The following DOP1A variants were observed in gnomAD, a reference collection of about 807,000 sequenced individuals.
DOP1A encodes the protein DOP1 leucine zipper like protein A.
DOP1A carries 90 observed loss-of-function variants against 267.6 expected under a neutral mutation model. That is an observed-to-expected ratio of 0.34 (90% confidence interval 0.28 to 0.40). The LOEUF is 0.40. Ranked by LOEUF, DOP1A falls within the 10% of genes least tolerant of loss-of-function variation. The probability of loss-of-function intolerance (pLI) is 1.00; values close to 1 mark genes in which losing one functional copy is unlikely to be tolerated. For missense variants in DOP1A, 2,437 were observed against 2,900.4 expected (o/e 0.84, Z 3.67); for synonymous variants, 932 against 999.1 (o/e 0.93, Z 1.27).
chr6:83,132,318 A>G lies in DOP1A; in HGVS notation c.2759A>G (p.His920Arg). 6.2e-7 allele frequency: 1 copy of G among 1,603,060 alleles called. No individual in the cohort carries two copies. The highest frequency in any genetic ancestry group is 8.5e-7 in the Non-Finnish European group (1 of 1,177,092). Residue 920 changes from histidine to arginine, a missense_variant, in exon 18 of 39, where the codon CAT (histidine) becomes CGT (arginine). His to Arg is a conservative substitution (Grantham distance 29). Around this residue, in one of 9 missense-constraint regions of DOP1A, gnomAD observed 878 missense variants for 992.9 expected, o/e 0.88. Transcript: ENST00000349129. ...GATGTTATAAGTCAGCAGTTAACCCATAAAGATAAGGTAAATCCTCTTATC... is the reference window on the plus strand; with the variant it reads ...GATGTTATAAGTCAGCAGTTAACCCGTAAAGATAAGGTAAATCCTCTTATC... ...CEDVISQQLT[H>R]KDKKIRMEAH...
chr6:83,094,276 A>C lies in DOP1A; in HGVS notation c.-146-2455A>C, dbSNP rs544214030. 6.6e-5 allele frequency among the ~76,000 whole-genome samples: 10 copies of C among 152,220 alleles called. No individual in the cohort carries two copies. The South Asian group carries it at 2.1e-3, about 32-fold the overall frequency. On this transcript the variant is annotated intron_variant, in intron 1 of 38. Coordinates refer to ENST00000349129, the MANE Select transcript of DOP1A (RefSeq NM_015018.4). ...CTTTTTTATGACCAAATAATATTCC[A>C]TGGTATTTTAGTTATTTGTGTGTCA...
At chr6:83,149,401 T>A (rs1193740092) in intron 27 of DOP1A, among the ~76,000 whole-genome samples, 1 of 152,194 alleles carries the variant, frequency 6.6e-6, no homozygotes, top group Non-Finnish European at 1.5e-5. Context: ...CCCCAGTAAA[T>A]ACTTGGTAAG....
At position 83,125,387 on chromosome 6, in the gene DOP1A, T is replaced by G. The variant is rs556681941; in HGVS notation, c.1486-113T>G. ...TATACAGTGTTAATTAAGAGCATGA[T>G]GCATATAAAACATTATGGATGAGTA... On this transcript the variant is annotated intron_variant, in intron 14 of 38. Transcript: ENST00000349129. 31 of 1,050,732 alleles carry G rather than the reference T, an allele frequency of 3.0e-5. No individual in the cohort carries two copies. In the South Asian group the frequency reaches 4.7e-4, roughly 16 times the overall value. 65.1% of individuals were successfully genotyped at this position (1,050,732 alleles called of 1,614,324 possible).
chr6:83,148,596 T>C (rs1466269680), intron 26 of DOP1A, among the ~76,000 whole-genome samples, 163 bp from the exon 27 acceptor site: 3 of 152,118 alleles, frequency 2.0e-5, no homozygotes, highest in African/African-American at 7.2e-5. Context: ...AGAAATTGCA[T>C]TGATATTTCA....
chr6:83,101,011 T>C (rs1344636647), intron 4 of DOP1A, 125 bp downstream of exon 4: 5 of 562,990 alleles, frequency 8.9e-6, no homozygotes, highest in Non-Finnish European at 1.3e-5. Context: ...TTTTCAGATA[T>C]CAATCTTTGT....
Position 83,110,282 on chromosome 6 carries a change from C to G in DOP1A, c.649C>G (p.Leu217Val). 6.2e-7 allele frequency: 1 copy of G among 1,613,570 alleles called. No homozygotes were observed. Among genetic ancestry groups the G allele is most frequent in the Non-Finnish European group, 8.5e-7 (1 of 1,179,856 alleles). Residue 217 changes from leucine to valine, a missense_variant, in exon 6 of 39, where the codon CTT becomes GTT. Physicochemically the swap from Leu to Val is conservative, Grantham distance 32 (BLOSUM62 1). Coordinates refer to ENST00000349129, the MANE Select transcript of DOP1A (RefSeq NM_015018.4). Reference sequence around the variant, plus strand: ...CAGGAAGCTTTCTATGGAAGATCAACTTTATATAATTGGCAGTGATATTGA... The same window carrying G: ...CAGGAAGCTTTCTATGGAAGATCAAGTTTATATAATTGGCAGTGATATTGA... Reference protein sequence around the residue: ...LNRKLSMEDQLYIIGSDIELM... With the variant: ...LNRKLSMEDQVYIIGSDIELM...
At position 83,162,916 on chromosome 6, in the gene DOP1A, A is replaced by G. The variant is rs755508429; in HGVS notation, c.7089A>G (p.Ala2363=). The G allele has an allele frequency of 6.2e-7, 1 of 1,611,914 alleles. No individual in the cohort carries two copies. The highest frequency in any genetic ancestry group is 1.1e-5 in the South Asian group (1 of 90,778). ...TAGCAAAACTTCTTCGGAAAAGAGC[A>G]AAGGTATCGCATTCTTTTGTGATTG... ...VRLAKLLRKR[A]KKNPEEDNSG... Residue 2363 remains alanine (A), a synonymous_variant, in exon 38 of 39, where the codon GCA becomes GCG. Coordinates refer to ENST00000349129, the MANE Select transcript of DOP1A (RefSeq NM_015018.4).
intron 6 of DOP1A, among the ~76,000 whole-genome samples, chr6:83,111,327 A>G (rs1328508217): frequency 6.6e-6 from 1 of 151,412 alleles, no homozygotes; most frequent in East Asian, 1.9e-4. Flanking sequence ...ATAATGCTCT[A>G]TTGAACACTC....
intron 1 of DOP1A, among the ~76,000 whole-genome samples, chr6:83,069,478 A>G (rs1247263235): frequency 2.0e-5 from 3 of 152,190 alleles, no homozygotes; most frequent in South Asian, 2.1e-4. Context: ...ATATAATTAC[A>G]TAGAATATAA....
downstream of DOP1A, chr6:83,170,238 A>G: frequency 4.2e-6 from 6 of 1,442,028 alleles, no homozygotes; most frequent in Non-Finnish European, 5.8e-6. Context: ...TCTAAAAACC[A>G]TTAAAATAGT....
intron 15 of DOP1A, among the ~76,000 whole-genome samples, chr6:83,128,087 G>C (rs1361011096): frequency 1.3e-5 from 2 of 152,172 alleles, no homozygotes; most frequent in African/African-American, 2.4e-5. Context: ...TCAAGGAAAA[G>C]TGTCATTCAC....
intron 7 of DOP1A, 26 bp downstream of exon 7, chr6:83,113,447 A>G (rs780085096): frequency 1.3e-5 from 20 of 1,579,564 alleles, no homozygotes; most frequent in Non-Finnish European, 6.1e-6. Context: ...CGATGTTATT[A>G]TAAGGCATTC....
intron 38 of DOP1A, chr6:83,167,489 A>C: frequency 1.0e-6 from 1 of 999,872 alleles, no homozygotes; most frequent in Middle Eastern, 5.0e-4. Flanking sequence ...TTCTGTAGTA[A>C]TTTTGTGACC....
chr6:83,082,849 C>T (rs1364774945), intron 1 of DOP1A, among the ~76,000 whole-genome samples: 1 of 151,356 alleles, frequency 6.6e-6, no homozygotes, highest in Non-Finnish European at 1.5e-5. Flanking sequence ...GCTCTGTCAC[C>T]CAGGCTGGAG....
In DOP1A at chr6:83,108,431, G is replaced by A. The variant is rs142561124; in HGVS notation, c.321-479G>A. Among the ~76,000 whole-genome samples, 424 of 152,204 alleles carry A rather than the reference G, an allele frequency of 2.8e-3. 2 individuals are homozygous for A. The highest frequency in any genetic ancestry group is 8.5e-3 in the African/African-American group (355 of 41,538). On this transcript the variant is annotated intron_variant, in intron 4 of 38. Coordinates refer to ENST00000349129, the MANE Select transcript of DOP1A (RefSeq NM_015018.4). ...GGGCCTAAGCAGTCCTCCCACCTCCGCCTTCCAAAGTGCTTGGATTACAGG... is the reference window on the plus strand; with the variant it reads ...GGGCCTAAGCAGTCCTCCCACCTCCACCTTCCAAAGTGCTTGGATTACAGG...
At chr6:83,161,408 G>A (rs921996185) in intron 37 of DOP1A, among the ~76,000 whole-genome samples, 1 of 152,122 alleles carries the variant, frequency 6.6e-6, no homozygotes, top group African/African-American at 2.4e-5. Context: ...TACTTGATAA[G>A]TTTACTGTAT....
In DOP1A at chr6:83,147,216, T is replaced by C; in HGVS notation, c.5677-20T>C. 1 of 1,363,172 alleles carries C rather than the reference T, an allele frequency of 7.3e-7. No individual in the cohort carries two copies. Among genetic ancestry groups the C allele is most frequent in the South Asian group, 1.4e-5 (1 of 71,466 alleles). The allele number at this position is 1,363,172 out of a possible 1,614,324, so 84.4% of individuals were successfully genotyped here. A position where few individuals can be genotyped will look rare whatever the true frequency, so the allele number is the denominator to read the frequency against. ...GGCAGTATTCTTCTTCACTACAAAA[T>C]TGATTTCTTTTATTTATAGAAACAT... On this transcript the variant is annotated intron_variant, in intron 25 of 38. Coordinates refer to ENST00000349129, the MANE Select transcript of DOP1A (RefSeq NM_015018.4).
chr6:83,118,472 T>A (rs1455630550), intron 7 of DOP1A, among the ~76,000 whole-genome samples: 2 of 152,164 alleles, frequency 1.3e-5, no homozygotes, highest in African/African-American at 4.8e-5. Context: ...TAAAAATTTT[T>A]AAAAAGAATA....
chr6:83,140,946 G>A (rs1365638191), intron 23 of DOP1A, among the ~76,000 whole-genome samples: 1 of 151,832 alleles, frequency 6.6e-6, no homozygotes, highest in African/African-American at 2.4e-5. Context: ...AATATGTATA[G>A]AGAGCTTTAA....
Sources: gnomAD v4.1 joint callset for allele counts (sites outside exome capture counted in the v4.1 genomes callset) on GRCh38, gnomAD v4.1.1 for gene constraint, gnomAD v4.1.1 regional missense constraint, MANE v1.5 for transcripts, NCBI Gene and HGNC (gene_info 2026-07-23, HGNC 2026-07-21) for gene names.